Variants in MASP1 observed in about 807,000 individuals in gnomAD.
MASP1 encodes MBL associated serine protease 1, also known as mannan-binding lectin serine protease 1.
In MASP1, 59 loss-of-function variants were observed where a neutral mutation model predicts 77.1. That is an observed-to-expected ratio of 0.77 (90% CI 0.62 to 0.95). MASP1 has a LOEUF of 0.95. Among genes scored for constraint, MASP1 ranks in the 40% least tolerant of loss-of-function variants. The pLI, the probability that MASP1 is intolerant of heterozygous loss-of-function variation, is 0.00. For missense variants in MASP1, 885 were observed against 912.9 expected (o/e 0.97, Z 0.39); for synonymous variants, 362 against 354.5 (o/e 1.02, Z -0.24).
At chr3:187,226,761 G>T (rs922443900) in intron 11 of MASP1, among the ~76,000 whole-genome samples, 1 of 152,200 alleles carries the variant, frequency 6.6e-6, no homozygotes, top group African/African-American at 2.4e-5. Context: ...ACTGAACATT[G>T]TAAACAGGAT....
intron 8 of MASP1, chr3:187,244,158 C>G (rs1713889662): frequency 6.1e-6 from 1 of 164,950 alleles, no homozygotes; most frequent in African/African-American, 2.4e-5. Flanking sequence ...CAGCCCCACC[C>G]TGCTGCCTCT....
chr3:187,271,545 A>G (rs1716516621), intron 2 of MASP1, among the ~76,000 whole-genome samples: 1 of 152,230 alleles, frequency 6.6e-6, no homozygotes, highest in Non-Finnish European at 1.5e-5. Flanking sequence ...AAAAAATAGT[A>G]TATATGGTAT....
In MASP1 at chr3:187,251,826, G is replaced by T. The variant is rs989279800; in HGVS notation, c.893-74C>A. ...ACCTTAAAGGGCCAGTCCCTAGAAAGCAAGGCCTGATGAAGGTGAATAAAA... is the reference window on the plus strand; with the variant it reads ...ACCTTAAAGGGCCAGTCCCTAGAAATCAAGGCCTGATGAAGGTGAATAAAA... On this transcript the variant is annotated intron_variant, in intron 6 of 10. Coordinates refer to ENST00000296280, the MANE Select transcript of MASP1 (RefSeq NM_139125.4). 5 of 1,136,750 alleles carry T rather than the reference G, an allele frequency of 4.4e-6. No homozygotes were observed. In the African/African-American group the frequency reaches 4.6e-5, roughly 10 times the overall value. 70.4% of individuals were successfully genotyped at this position (1,136,750 alleles called of 1,614,324 possible). A position where few individuals can be genotyped will look rare whatever the true frequency, so the allele number is the denominator to read the frequency against.
chr3:187,230,421 T>C (rs1238285709), downstream of MASP1, among the ~76,000 whole-genome samples: 2 of 152,236 alleles, frequency 1.3e-5, no homozygotes, highest in East Asian at 3.8e-4. Flanking sequence ...GATCTAATTA[T>C]ATGTGAAGCC....
chr3:187,241,320 G>A (rs905763636), intron 10 of MASP1, among the ~76,000 whole-genome samples, 161 bp downstream of exon 10: 1 of 152,142 alleles, frequency 6.6e-6, no homozygotes, highest in Admixed American at 6.5e-5. Context: ...AAGGTGTGAA[G>A]CAAGTCTTCT....
At chr3:187,219,659 T>A (rs945645339) in exon 16 of MASP1, 14 of 261,372 alleles carry the variant, frequency 5.4e-5, no homozygotes, top group African/African-American at 3.1e-4. Context: ...GGTAGACACA[T>A]CGACCTTCTG....
At chr3:187,286,125 G>T in intron 1 of MASP1, 69 bp from the exon 2 acceptor site, 1 of 1,253,726 alleles carries the variant, frequency 8.0e-7, no homozygotes, top group Non-Finnish European at 1.2e-6. Flanking sequence ...CTCAATCACA[G>T]CCAGGAGAAC....
At chr3:187,265,691 C>G (rs1715961368) in intron 2 of MASP1, among the ~76,000 whole-genome samples, 1 of 152,170 alleles carries the variant, frequency 6.6e-6, no homozygotes, top group South Asian at 2.1e-4. Context: ...GTGACTTGCT[C>G]AAGGCTGGAG....
chr3:187,291,488 C>A, intron 1 of MASP1, 140 bp downstream of exon 1: 1 of 1,158,498 alleles, frequency 8.6e-7, no homozygotes. Context: ...TTCTCAGAGC[C>A]CTAAGAATTG....
chr3:187,235,978 T>C lies in MASP1; in HGVS notation c.1893A>G (p.Lys631=). 1 of 1,614,210 alleles carries C rather than the reference T, an allele frequency of 6.2e-7. No individual in the cohort carries two copies. The highest frequency in any genetic ancestry group is 8.5e-7 in the Non-Finnish European group (1 of 1,180,046). Reference sequence around the variant, plus strand: ...TGCCCGAGCGGGACTCATAGCTAGTTTTGCACTCAGCGTGAGGCACCACGG... The same window carrying C: ...TGCCCGAGCGGGACTCATAGCTAGTCTTGCACTCAGCGTGAGGCACCACGG... ...KLPVVPHAEC[K]TSYESRSGNY... is the part of the protein sequence containing the mutation. Residue 631 remains lysine, a synonymous_variant, in exon 11 of 11, where the codon AAA becomes AAG. Transcript: ENST00000296280.
At chr3:187,236,695 C>T in intron 10 of MASP1, 128 bp from the exon 11 acceptor site, 2 of 1,520,584 alleles carry the variant, frequency 1.3e-6, no homozygotes, top group Middle Eastern at 1.9e-4. Flanking sequence ...CCCTAACCTG[C>T]CTGGGTCATG....
At chr3:187,252,891 C>T (rs1402126614) in intron 6 of MASP1, among the ~76,000 whole-genome samples, 1 of 152,184 alleles carries the variant, frequency 6.6e-6, no homozygotes, top group African/African-American at 2.4e-5. Context: ...GTTCAGGAAA[C>T]AAGATTTCTT....
chr3:187,233,756 G>A (rs141965597), downstream of MASP1, among the ~76,000 whole-genome samples: 3 of 152,270 alleles, frequency 2.0e-5, no homozygotes, highest in African/African-American at 4.8e-5. Context: ...TGATGATCTC[G>A]TCCAATGTCA....
chr3:187,248,319 G>A lies in MASP1; in HGVS notation c.1090+1932C>T, dbSNP rs551982912. Among the ~76,000 whole-genome samples, 7 of 152,240 alleles carry A rather than the reference G, an allele frequency of 4.6e-5. No individual in the cohort carries two copies. The East Asian group carries it at 1.4e-3, about 29-fold the overall frequency. On this transcript the variant is annotated intron_variant, in intron 8 of 10. Coordinates refer to ENST00000296280, the MANE Select transcript of MASP1 (RefSeq NM_139125.4). ...ACTTCCTAGTGAGGGGATTGGGTTG[G>A]GGCAGGAGGAGTCCGTTTATCTTTT...
At chr3:187,247,438 CAGAGAGAGGAAGAGAAAG>C in intron 8 of MASP1, 1 of 1,601,244 alleles carries the variant, frequency 6.2e-7, no homozygotes, top group Non-Finnish European at 8.6e-7. Context: ...AGGAAGGAAG[CAGAGAGAGGAAGAGAAAG>C]AGAGAGAGAT....
At chr3:187,225,047 A>G (rs1712331357) in intron 13 of MASP1, among the ~76,000 whole-genome samples, 1 of 151,958 alleles carries the variant, frequency 6.6e-6, no homozygotes, top group African/African-American at 2.4e-5. Flanking sequence ...TACTTCTCCA[A>G]TCCTCCAGTG....
intron 6 of MASP1, among the ~76,000 whole-genome samples, chr3:187,252,873 G>A (rs947193775): frequency 1.6e-4 from 24 of 152,222 alleles, no homozygotes; most frequent in African/African-American, 5.3e-4. Context: ...CACTGTGTGA[G>A]GGGTAGAGTT....
At position 187,236,053 on chromosome 3, in the gene MASP1, G is replaced by C; in HGVS notation, c.1818C>G (p.Ile606Met). The C allele has an allele frequency of 6.2e-7, 1 of 1,614,148 alleles. No homozygotes were observed. The highest frequency in any genetic ancestry group is 1.1e-5 in the South Asian group (1 of 91,086). ...SNPNVTVDEI[I>M]SSGTRTLSDV... ...CTGACAAGGTCCGTGTGCCACTGCT[G>C]ATGATCTCATCCACTGTCACATTGG... is the stretch of plus-strand genomic sequence containing the variant. The change falls in exon 11 of 11, where the codon ATC (isoleucine) becomes ATG (methionine). Residue 606 changes from isoleucine (I) to methionine (M), a missense_variant. Ile to Met is a conservative substitution (Grantham distance 10). Transcript: ENST00000296280.
Position 187,234,979 on chromosome 3 carries a change from C to T in MASP1, c.*705G>A, listed in dbSNP as rs138743270. On this transcript the variant is annotated 3_prime_UTR_variant, in exon 11 of 11. Transcript: ENST00000296280. ...ATTTAAGGGCTTGGTGGGCCTCCCA[C>T]GGCTATTCTGCTCCCAGCAGTCAGC... 568 of 1,287,226 alleles carry T rather than the reference C, an allele frequency of 4.4e-4. 4 individuals carry two copies. The African/African-American group carries it at 7.0e-3, about 16-fold the overall frequency. 79.7% of individuals were successfully genotyped at this position (1,287,226 alleles called of 1,614,324 possible). A position where few individuals can be genotyped will look rare whatever the true frequency, so the allele number is the denominator to read the frequency against.
Sources: allele counts gnomAD v4.1 joint callset (sites outside exome capture counted in the v4.1 genomes callset), GRCh38; gene constraint gnomAD v4.1.1; transcripts MANE v1.5; gene names NCBI Gene and HGNC (gene_info 2026-07-23, HGNC 2026-07-21).